The following WNT11 variants were observed in gnomAD, a reference collection of about 807,000 sequenced individuals.
WNT11 encodes protein Wnt-11.
WNT11 carries 20 observed loss-of-function variants against 35.6 expected under a neutral mutation model. The ratio of observed to expected loss-of-function variants is 0.56; its 90% CI spans 0.40 to 0.82. The LOEUF is 0.82. WNT11 is among the 40% of genes least tolerant of loss of function. WNT11 has a pLI of 0.00. For missense variants in WNT11, 459 were observed against 504.4 expected, an observed-to-expected ratio of 0.91 and a Z score of 0.86; for synonymous variants, 200 against 211.9, an observed-to-expected ratio of 0.94 and a Z score of 0.49.
At chr11:76,198,657 T>C (rs1953325580) in intron 1 of WNT11, among the ~76,000 whole-genome samples, 1 of 152,172 alleles carries the variant, frequency 6.6e-6, no homozygotes. Flanking sequence ...ATGACATAGA[T>C]CCTTTCCTCA....
intron 3 of WNT11, among the ~76,000 whole-genome samples, chr11:76,192,894 A>G (rs748739966): frequency 6.6e-6 from 1 of 152,214 alleles, no homozygotes; most frequent in Admixed American, 6.5e-5. Context: ...TGCAAGAGTC[A>G]TGGGAACCTG....
chr11:76,208,568 A>C (rs1953508691), upstream of WNT11, among the ~76,000 whole-genome samples: 1 of 151,986 alleles, frequency 6.6e-6, no homozygotes, highest in Admixed American at 6.5e-5. Context: ...CCTCTCCCAA[A>C]GTGCGCCGCC....
upstream of WNT11, chr11:76,206,651 G>T (rs1953480981): frequency 1.2e-6 from 1 of 849,188 alleles, no homozygotes; most frequent in Non-Finnish European, 1.5e-6. Context: ...CGCGTCCCGC[G>T]CCTGGCTCGA....
At chr11:76,201,091 G>C (rs1402749138) in intron 1 of WNT11, among the ~76,000 whole-genome samples, 1 of 152,188 alleles carries the variant, frequency 6.6e-6, no homozygotes, top group African/African-American at 2.4e-5. Flanking sequence ...GCTACCCTGG[G>C]TCTCAGTCTT....
At chr11:76,202,172 C>A (rs1010927024) in intron 1 of WNT11, among the ~76,000 whole-genome samples, 1 of 152,148 alleles carries the variant, frequency 6.6e-6, no homozygotes, top group Non-Finnish European at 1.5e-5. Context: ...CCCCCATCAG[C>A]GCCACCCAGA....
upstream of WNT11, among the ~76,000 whole-genome samples, chr11:76,209,551 G>A (rs1953528060): frequency 6.6e-6 from 1 of 152,210 alleles, no homozygotes; most frequent in South Asian, 2.1e-4. Flanking sequence ...AACCAGGGAC[G>A]CCGAGCGACG....
At chr11:76,192,543 T>C (rs1048518887) in intron 3 of WNT11, among the ~76,000 whole-genome samples, 2 of 152,232 alleles carry the variant, frequency 1.3e-5, no homozygotes, top group Admixed American at 1.3e-4. Flanking sequence ...ACATAATTCC[T>C]GCCTTGCAGA....
chr11:76,191,023 G>A (rs557042451), intron 4 of WNT11: 73 of 153,448 alleles, frequency 4.8e-4, no homozygotes, highest in Non-Finnish European at 7.5e-4. Context: ...AGATGGGGGC[G>A]TGCGGGGAGA....
chr11:76,206,607 C>T, upstream of WNT11: 1 of 1,121,854 alleles, frequency 8.9e-7, no homozygotes, highest in Non-Finnish European at 1.1e-6. Context: ...CCGAGCGCGG[C>T]GGGCGTCCCC....
intron 4 of WNT11, among the ~76,000 whole-genome samples, chr11:76,188,939 G>C (rs1043812542): frequency 1.3e-5 from 2 of 152,242 alleles, no homozygotes; most frequent in African/African-American, 4.8e-5. Context: ...ATCAGTGCTG[G>C]GGGAGAGGCC....
At chr11:76,209,334 A>G (rs563878178), upstream of WNT11, among the ~76,000 whole-genome samples, 1 of 152,252 alleles carries the variant, frequency 6.6e-6, no homozygotes, top group Admixed American at 6.5e-5. Flanking sequence ...CCGCCAACAG[A>G]TGGTCATAGG....
intron 1 of WNT11, among the ~76,000 whole-genome samples, chr11:76,203,403 C>A (rs1953416821): frequency 6.6e-6 from 1 of 152,202 alleles, no homozygotes; most frequent in East Asian, 1.9e-4. Flanking sequence ...AAGGGGGCGG[C>A]CTTTATGGAT....
chr11:76,206,644 G>T (rs982824042), upstream of WNT11: 17 of 887,048 alleles, frequency 1.9e-5, no homozygotes, highest in South Asian at 5.5e-5. Context: ...CGGGGGACGC[G>T]TCCCGCGCCT....
rs1344142815 is a variant in WNT11 at position 76,191,867 on chromosome 11, G to A, written c.598-11C>T. 1.3e-6 allele frequency: 2 copies of A among 1,588,996 alleles called. No homozygotes were observed. Among genetic ancestry groups the A allele is most frequent in the Non-Finnish European group, 1.7e-6 (2 of 1,171,658 alleles). ...AGAGGCGCGCAGAGCCTGCGGACAG[G>A]GGAAGGCGTCAGCTGGGTGGCCAGA... On this transcript the variant is annotated splice_polypyrimidine_tract_variant and intron_variant, in intron 3 of 4. Coordinates refer to ENST00000322563, the MANE Select transcript of WNT11 (RefSeq NM_004626.3).
chr11:76,201,107 C>T (rs944513297), intron 1 of WNT11, among the ~76,000 whole-genome samples: 1 of 152,222 alleles, frequency 6.6e-6, no homozygotes, highest in Non-Finnish European at 1.5e-5. Flanking sequence ...GTCTTTCCAT[C>T]CTCCCCAGAA....
In WNT11 at chr11:76,186,492, T is replaced by TTA. The variant is rs1030965304; in HGVS notation, c.*571_*572dup. The TTA allele has an allele frequency of 4.7e-5, 7 of 148,824 alleles. No homozygotes were observed. Among genetic ancestry groups the TTA allele is most frequent in the African/African-American group, 1.7e-4 (7 of 40,844 alleles). 9.2% of individuals were successfully genotyped at this position (148,824 alleles called of 1,614,324 possible). On this transcript the variant is annotated 3_prime_UTR_variant, in exon 5 of 5. Transcript: ENST00000322563. Reference sequence around the variant, plus strand: ...GATCATTATATATATACATATATATTTATATATATAAAATATATAAAGAGG... The same window carrying TTA: ...GATCATTATATATATACATATATATTTATATATATATAAAATATATAAAGAGG...
chr11:76,189,487 CA>C (rs1953147347), intron 4 of WNT11, among the ~76,000 whole-genome samples: 1 of 152,200 alleles, frequency 6.6e-6, no homozygotes, highest in Admixed American at 6.5e-5. Context: ...ATATTGTCTG[CA>C]GATTAGGCCT....
At chr11:76,208,804 G>A (rs980209143), upstream of WNT11, among the ~76,000 whole-genome samples, 1 of 152,212 alleles carries the variant, frequency 6.6e-6, no homozygotes, top group Non-Finnish European at 1.5e-5. Context: ...CAAGCTCGTC[G>A]CGCGGGGAGG....
intron 2 of WNT11, among the ~76,000 whole-genome samples, chr11:76,196,230 C>T (rs1953283593): frequency 6.6e-6 from 1 of 152,212 alleles, no homozygotes; most frequent in African/African-American, 2.4e-5. Flanking sequence ...CATGTGCTGT[C>T]CAGGCTCCCC....
Sources: allele counts gnomAD v4.1 joint callset (sites outside exome capture counted in the v4.1 genomes callset), GRCh38; gene constraint gnomAD v4.1.1; transcripts MANE v1.5; gene names NCBI Gene and HGNC (gene_info 2026-07-23, HGNC 2026-07-21).